Variants in HSD17B2 observed in about 807,000 individuals in gnomAD.
HSD17B2 encodes the protein hydroxysteroid 17-beta dehydrogenase 2.
HSD17B2 carries 32 observed loss-of-function variants against 26.9 expected under a neutral mutation model. That is an observed-to-expected ratio of 1.19 (90% CI 0.90 to 1.60). The LOEUF (loss-of-function observed/expected upper bound fraction) is 1.60. HSD17B2 is among the 40% of genes most tolerant of loss of function. The probability of loss-of-function intolerance (pLI) is 0.00; values close to 1 mark genes in which losing one functional copy is unlikely to be tolerated. For synonymous variants in HSD17B2, 246 were observed against 186.7 expected (o/e 1.32, Z -2.59); for missense variants, 613 against 468.6 (o/e 1.31, Z -2.85).
rs1904298610 is a variant in HSD17B2, at chr16:82,075,873, A to G, written c.664+4746A>G. Among the ~76,000 whole-genome samples, 3 of 150,324 alleles carry G rather than the reference A, an allele frequency of 2.0e-5. No homozygotes were observed. In the South Asian group the frequency reaches 6.3e-4, roughly 32 times the overall value. ...CTTCCAAACTCATCCTATGAGCCCTATATCATTCTGATAGCAAAACCAGAA... is the reference window on the plus strand; with the variant it reads ...CTTCCAAACTCATCCTATGAGCCCTGTATCATTCTGATAGCAAAACCAGAA... On this transcript the variant is annotated intron_variant, in intron 3 of 4. Transcript: ENST00000199936.
chr16:82,036,099 G>A lies in HSD17B2; in HGVS notation c.265+410G>A, dbSNP rs186134445. Among the ~76,000 whole-genome samples the A allele has an allele frequency of 5.9e-5, 9 of 152,212 alleles. 1 individual carries two copies. Among genetic ancestry groups the A allele is most frequent in the Middle Eastern group, 3.4e-3 (1 of 294 alleles). On this transcript the variant is annotated intron_variant, in intron 1 of 4. Coordinates refer to ENST00000199936, the MANE Select transcript of HSD17B2 (RefSeq NM_002153.3). ...TCTTCTTCCCTAGGTATGCAAGAAC[G>A]CTTACAAGCCAAGTTCTACTTGTCC...
chr16:82,086,443 C>T (rs1314955578), intron 3 of HSD17B2, among the ~76,000 whole-genome samples: 1 of 152,106 alleles, frequency 6.6e-6, no homozygotes, highest in African/African-American at 2.4e-5. Flanking sequence ...TATTTTTAGC[C>T]TACTGTCAAC....
chr16:82,070,856 C>A, intron 2 of HSD17B2, 86 bp from the exon 3 acceptor site: 1 of 1,294,816 alleles, frequency 7.7e-7, no homozygotes, highest in Non-Finnish European at 1.1e-6. Context: ...ACACGTAACA[C>A]CTCTTGCATG....
intron 1 of HSD17B2, among the ~76,000 whole-genome samples, chr16:82,060,493 TCTC>T (rs1265436720): frequency 6.6e-6 from 1 of 152,198 alleles, no homozygotes; most frequent in Non-Finnish European, 1.5e-5. Context: ...TGCCGACTCA[TCTC>T]CTGGTTAATC....
At chr16:82,038,588 C>A (rs761634037) in intron 1 of HSD17B2, among the ~76,000 whole-genome samples, 5 of 152,166 alleles carry the variant, frequency 3.3e-5, no homozygotes, top group Non-Finnish European at 7.3e-5. Flanking sequence ...GAACAAAGAG[C>A]AGACCAACAC....
At chr16:82,046,985 T>A (rs1055164718) in intron 1 of HSD17B2, among the ~76,000 whole-genome samples, 1 of 152,222 alleles carries the variant, frequency 6.6e-6, no homozygotes, top group Non-Finnish European at 1.5e-5. Flanking sequence ...GGGTATTGGC[T>A]GCCATCTTTT....
chr16:82,045,478 C>G (rs1265689695), intron 1 of HSD17B2, among the ~76,000 whole-genome samples: 3 of 152,186 alleles, frequency 2.0e-5, no homozygotes, highest in African/African-American at 7.2e-5. Context: ...TATATTGCTG[C>G]CTGATACGTA....
At chr16:82,051,332 G>C (rs947849034) in intron 1 of HSD17B2, among the ~76,000 whole-genome samples, 1 of 152,250 alleles carries the variant, frequency 6.6e-6, no homozygotes, top group African/African-American at 2.4e-5. Flanking sequence ...AGGCAGGCAA[G>C]TGCCTTCCCG....
In HSD17B2 at chr16:82,098,120, T is replaced by C. The variant is rs200221746; in HGVS notation, c.848T>C (p.Ile283Thr). The change falls in exon 5 of 5, where the codon ATT becomes ACT. Residue 283 changes from isoleucine (I) to threonine (T), a missense_variant. Ile to Thr is a moderately conservative substitution (Grantham distance 89, BLOSUM62 -1). Coordinates refer to ENST00000199936, the MANE Select transcript of HSD17B2 (RefSeq NM_002153.3). ...AAGTGGGAAAAGCTGGAGAAGGACATTCTGGACCACCTCCCCGCTGAGGTA... is the reference window on the plus strand; with the variant it reads ...AAGTGGGAAAAGCTGGAGAAGGACACTCTGGACCACCTCCCCGCTGAGGTA... The part of the protein sequence containing the change: ...SDKWEKLEKD[I>T]LDHLPAEVQE... 6.2e-7 allele frequency: 1 copy of C among 1,613,832 alleles called. No homozygotes were observed. Among genetic ancestry groups the C allele is most frequent in the Non-Finnish European group, 8.5e-7 (1 of 1,179,948 alleles).
chr16:82,035,384 C>T lies in HSD17B2; in HGVS notation c.-41C>T, dbSNP rs765743755. The T allele has an allele frequency of 3.8e-6, 6 of 1,584,018 alleles. No individual in the cohort carries two copies. Among genetic ancestry groups the T allele is most frequent in the South Asian group, 1.2e-5 (1 of 86,334 alleles). ...CCAGCCAGCCTTTGCCCGCTAGACT[C>T]ACTGGCCCTGAGCACTTGAAGGTGC... On this transcript the variant is annotated 5_prime_UTR_variant, in exon 1 of 5. Transcript: ENST00000199936.
chr16:82,047,409 G>A (rs996060836), intron 1 of HSD17B2, among the ~76,000 whole-genome samples: 3 of 152,198 alleles, frequency 2.0e-5, no homozygotes, highest in East Asian at 3.8e-4. Context: ...CCATTCATTC[G>A]TTATTTCACC....
chr16:82,035,504 A>T lies in HSD17B2; in HGVS notation c.80A>T (p.Tyr27Phe), dbSNP rs1006917022. The part of the protein sequence containing the change: ...TVLCGTVFCK[Y>F]KKSSGQLWSW... ...CTATGTGGGACAGTATTTTGCAAAT[A>T]CAAGAAGAGCTCAGGGCAGCTGTGG... is the stretch of plus-strand genomic sequence containing the variant. Residue 27 changes from tyrosine (Y) to phenylalanine (F), a missense_variant, in exon 1 of 5, where the codon TAC becomes TTC. Physicochemically the swap from Tyr to Phe is conservative, Grantham distance 22 (BLOSUM62 3). Coordinates refer to ENST00000199936, the MANE Select transcript of HSD17B2 (RefSeq NM_002153.3). 3 of 1,614,008 alleles carry T rather than the reference A, an allele frequency of 1.9e-6. No individual in the cohort carries two copies. The highest frequency in any genetic ancestry group is 2.5e-6 in the Non-Finnish European group (3 of 1,180,046).
At chr16:82,042,538 G>A (rs1249130766) in intron 1 of HSD17B2, among the ~76,000 whole-genome samples, 2 of 152,228 alleles carry the variant, frequency 1.3e-5, no homozygotes. Context: ...AGAGGAAATA[G>A]AAAATTGTGG....
At chr16:82,035,906 G>C (rs547684277) in intron 1 of HSD17B2, among the ~76,000 whole-genome samples, 45 of 152,224 alleles carry the variant, frequency 3.0e-4, no homozygotes, top group African/African-American at 1.0e-3. Context: ...AGGATGAAGT[G>C]CACCCAGACA....
chr16:82,080,354 C>A (rs1480893265), intron 3 of HSD17B2, among the ~76,000 whole-genome samples: 1 of 152,114 alleles, frequency 6.6e-6, no homozygotes, highest in African/African-American at 2.4e-5. Context: ...CTGGATGAAT[C>A]TGATGCAATC....
At position 82,098,143 on chromosome 16, in the gene HSD17B2, G is replaced by C. The variant is rs1241957217; in HGVS notation, c.871G>C (p.Val291Leu). Residue 291 changes from valine to leucine, a missense_variant, in exon 5 of 5, where the codon GTA (valine) becomes CTA (leucine). By Grantham distance (32) the Val-to-Leu change is conservative. Coordinates refer to ENST00000199936, the MANE Select transcript of HSD17B2 (RefSeq NM_002153.3). ...CATTCTGGACCACCTCCCCGCTGAGGTACAGGAAGACTACGGCCAGGACTA... is the reference window on the plus strand; with the variant it reads ...CATTCTGGACCACCTCCCCGCTGAGCTACAGGAAGACTACGGCCAGGACTA... ...KDILDHLPAEVQEDYGQDYIL... is the reference protein window; with the variant it reads ...KDILDHLPAELQEDYGQDYIL... The C allele has an allele frequency of 6.2e-7, 1 of 1,614,044 alleles. No individual in the cohort carries two copies. The highest frequency in any genetic ancestry group is 8.5e-7 in the Non-Finnish European group (1 of 1,179,994).
intron 4 of HSD17B2, chr16:82,097,360 C>CTATGTGT (rs1904880083): frequency 1.1e-5 from 1 of 92,000 alleles, no homozygotes; most frequent in African/African-American, 3.1e-5. Flanking sequence ...TACACACACA[C>CTATGTGT]ACACACACAC....
intron 3 of HSD17B2, among the ~76,000 whole-genome samples, chr16:82,088,518 G>C (rs1385025608): frequency 6.6e-6 from 1 of 152,152 alleles, no homozygotes; most frequent in African/African-American, 2.4e-5. Context: ...TGGCTCCTCT[G>C]CTAACCTGTT....
In HSD17B2 at chr16:82,077,747, GAAGAAAGAAAGAA is replaced by G. The variant is rs1394050336; in HGVS notation, c.664+6635_664+6647del. On this transcript the variant is annotated intron_variant, in intron 3 of 4. Coordinates refer to ENST00000199936, the MANE Select transcript of HSD17B2 (RefSeq NM_002153.3). Reference sequence around the variant, plus strand: ...CCCTGTTTCAAAAGAAAGAAAGAAAGAAGAAAGAAAGAAAAGAAAGAAAGAAAGGAAGGAAGGA... The same window carrying G: ...CCCTGTTTCAAAAGAAAGAAAGAAAGAAGAAAGAAAGAAAGGAAGGAAGGA... Among the ~76,000 whole-genome samples the G allele has an allele frequency of 4.9e-5, 7 of 142,202 alleles. No individual in the cohort carries two copies. In the East Asian group the frequency reaches 6.1e-4, roughly 12 times the overall value. The allele number at this position is 142,202 out of a possible 152,430, so 93.3% of individuals were successfully genotyped here. A position where few individuals can be genotyped will look rare whatever the true frequency, so the allele number is the denominator to read the frequency against.
Sources: allele counts gnomAD v4.1 joint callset (sites outside exome capture counted in the v4.1 genomes callset), GRCh38; gene constraint gnomAD v4.1.1; transcripts MANE v1.5; gene names NCBI Gene and HGNC (gene_info 2026-07-23, HGNC 2026-07-21).